SELENON: variants seen among roughly 807,000 people sequenced by gnomAD.
The protein encoded by SELENON is selenoprotein N, also known as selenoprotein N, 1.
A neutral mutation model predicts 59.5 loss-of-function variants in SELENON; 44 were observed. The ratio of observed to expected loss-of-function variants is 0.74; its 90% CI spans 0.58 to 0.95. The LOEUF (loss-of-function observed/expected upper bound fraction) is 0.95, where lower values mean the gene tolerates loss of function less well. SELENON is among the 40% of genes least tolerant of loss of function. SELENON has a pLI of 0.00. For missense variants in SELENON, 674 were observed against 721.4 expected (o/e 0.93, Z 0.75); for synonymous variants, 320 against 305.6 (o/e 1.05, Z -0.49).
intron 7 of SELENON, among the ~76,000 whole-genome samples, chr1:25,811,043 C>G (rs1311604034): frequency 6.6e-6 from 1 of 152,256 alleles, no homozygotes; most frequent in Non-Finnish European, 1.5e-5. Context: ...GCAGATTGCA[C>G]TGCTCGGCTC....
intron 3 of SELENON, among the ~76,000 whole-genome samples, chr1:25,804,727 C>T (rs1187867004): frequency 1.4e-5 from 2 of 146,420 alleles, no homozygotes; most frequent in African/African-American, 2.5e-5. Flanking sequence ...CCCTATGACA[C>T]CAAAGAGCCT....
Position 25,805,167 on chromosome 1 carries a change from G to C in SELENON, c.429G>C (p.Glu143Asp). 2.5e-6 allele frequency: 4 copies of C among 1,608,846 alleles called. No homozygotes were observed. Among genetic ancestry groups the C allele is most frequent in the Non-Finnish European group, 3.4e-6 (4 of 1,175,914 alleles). Reference sequence around the variant, plus strand: ...GGTCAACTCCCGCGGCCAGCTGCGAGGAGGAGGAGTTGCCCCCTGACCCTA... The same window carrying C: ...GGTCAACTCCCGCGGCCAGCTGCGACGAGGAGGAGTTGCCCCCTGACCCTA... The change falls in exon 4 of 13, where the codon GAG (glutamate) becomes GAC (aspartate). Residue 143 changes from glutamate (E) to aspartate (D), a missense_variant. Glu to Asp is a conservative substitution (Grantham distance 45). Coordinates refer to ENST00000361547, the MANE Select transcript of SELENON (RefSeq NM_020451.3).
chr1:25,815,238 G>A (rs2124456312), intron 12 of SELENON, among the ~76,000 whole-genome samples: 1 of 151,762 alleles, frequency 6.6e-6, no homozygotes, highest in East Asian at 1.9e-4. Context: ...GGAGTCCGGG[G>A]TCACAGGAAC....
chr1:25,806,590 G>A (rs540953723), intron 4 of SELENON, among the ~76,000 whole-genome samples: 102 of 152,258 alleles, frequency 6.7e-4, no homozygotes, highest in Middle Eastern at 3.4e-3. Context: ...GGGACTGTAG[G>A]CGGGGAGGGA....
chr1:25,815,984 C>T lies in SELENON; in HGVS notation c.*266C>T, dbSNP rs1449129971. On this transcript the variant is annotated 3_prime_UTR_variant, in exon 13 of 13. Coordinates refer to ENST00000361547, the MANE Select transcript of SELENON (RefSeq NM_020451.3). ...CCATTTGGCTCTGGAAGCTGCTTGG[C>T]CCCCCCAGATCAGGGCCTGGGTGAA... is the stretch of plus-strand genomic sequence containing the variant. 1 of 492,136 alleles carries T rather than the reference C, an allele frequency of 2.0e-6. No homozygotes were observed. The highest frequency in any genetic ancestry group is 3.7e-6 in the Non-Finnish European group (1 of 268,540). 30.5% of individuals were successfully genotyped at this position (492,136 alleles called of 1,614,324 possible).
rs755921803 is a variant in SELENON at position 25,815,676 on chromosome 1, G to A, written c.1731G>A (p.Leu577=). Reference sequence around the variant, plus strand: ...CCACGGCCACCTACATGCAGTTCCTGAAGGAGGGACTCCGGCGTGGCCTGC... The same window carrying A: ...CCACGGCCACCTACATGCAGTTCCTAAAGGAGGGACTCCGGCGTGGCCTGC... The change falls in exon 13 of 13, where the codon CTG becomes CTA. Residue 577 remains leucine (L), a synonymous_variant. Transcript: ENST00000361547. 6.2e-7 allele frequency: 1 copy of A among 1,614,174 alleles called. No homozygotes were observed.
rs2047932738 is a variant in SELENON at position 25,808,779 on chromosome 1, A to G, written c.737A>G (p.Lys246Arg). 9 of 1,613,676 alleles carry G rather than the reference A, an allele frequency of 5.6e-6. No individual in the cohort carries two copies. The highest frequency in any genetic ancestry group is 7.6e-6 in the Non-Finnish European group (9 of 1,179,890). Residue 246 changes from lysine (K) to arginine (R), a missense_variant, in exon 5 of 13, where the codon AAG becomes AGG. By Grantham distance (26) the Lys-to-Arg change is conservative. Coordinates refer to ENST00000361547, the MANE Select transcript of SELENON (RefSeq NM_020451.3). ...AACCGCTTCTATCCACCGCCGCCCA[A>G]GGGCAAGGAGGTGAGGACAGCTGGG...
chr1:25,815,235 G>C (rs539535952), intron 12 of SELENON, among the ~76,000 whole-genome samples: 2 of 152,108 alleles, frequency 1.3e-5, no homozygotes, highest in African/African-American at 4.8e-5. Flanking sequence ...ATGGGAGTCC[G>C]GGGTCACAGG....
Position 25,807,598 on chromosome 1 carries a change from C to A in SELENON, c.538-982C>A, listed in dbSNP as rs1399432774. On this transcript the variant is annotated intron_variant, in intron 4 of 12. Transcript: ENST00000361547. The surrounding 1 kb of genome is among the most constrained non-coding windows in gnomAD (Gnocchi z 4.5). Reference sequence around the variant, plus strand: ...GCCCAGCACCCATCGCTGGCAGGTCCCCTGCAGGGGGTGGCAAGCCTACAA... The same window carrying A: ...GCCCAGCACCCATCGCTGGCAGGTCACCTGCAGGGGGTGGCAAGCCTACAA... 1.3e-5 allele frequency among the ~76,000 whole-genome samples: 2 copies of A among 152,210 alleles called. No homozygotes were observed. The highest frequency in any genetic ancestry group is 2.4e-5 in the African/African-American group (1 of 41,450).
chr1:25,815,429 A>T, intron 12 of SELENON, 119 bp from the exon 12 acceptor site: 1 of 851,158 alleles, frequency 1.2e-6, no homozygotes, highest in Non-Finnish European at 1.9e-6. Flanking sequence ...CCCACCATCC[A>T]CCTCAGACAA....
intron 8 of SELENON, 42 bp downstream of exon 7, chr1:25,811,577 A>G (rs771096615): frequency 1.2e-6 from 2 of 1,606,252 alleles, no homozygotes; most frequent in East Asian, 2.2e-5. Flanking sequence ...GCTCGGCTGC[A>G]GGGCCCCGCC....
intron 10 of SELENON, chr1:25,813,609 C>T (rs564768490): frequency 2.8e-4 from 153 of 543,930 alleles, no homozygotes; most frequent in African/African-American, 2.2e-3. Context: ...CCCTGGGACA[C>T]AGAGCGTTCA....
chr1:25,809,847 T>C (rs771147457), intron 7 of SELENON, 27 bp downstream of exon 6: 1 of 1,610,982 alleles, frequency 6.2e-7, no homozygotes, highest in Non-Finnish European at 8.5e-7. Flanking sequence ...GGCCCAGCCT[T>C]GGCTCCCTCC....
intron 7 of SELENON, among the ~76,000 whole-genome samples, chr1:25,810,111 G>A (rs1389095806): frequency 1.3e-5 from 2 of 152,324 alleles, no homozygotes; most frequent in African/African-American, 4.8e-5. Context: ...TCATACTGCT[G>A]ACAGGCCCCA....
intron 3 of SELENON, among the ~76,000 whole-genome samples, chr1:25,802,863 C>T (rs2047871966): frequency 1.3e-5 from 2 of 152,274 alleles, no homozygotes; most frequent in Non-Finnish European, 2.9e-5. Flanking sequence ...CTACTTATTA[C>T]CCAGATTGCC....
Position 25,815,836 on chromosome 1 carries a change from G to A in SELENON, c.*118G>A. The A allele has an allele frequency of 1.8e-6, 2 of 1,099,710 alleles. No homozygotes were observed. Among genetic ancestry groups the A allele is most frequent in the South Asian group, 2.8e-5 (2 of 70,414 alleles). The allele number at this position is 1,099,710 out of a possible 1,614,324, so 68.1% of individuals were successfully genotyped here. A position where few individuals can be genotyped will look rare whatever the true frequency, so the allele number is the denominator to read the frequency against. ...ACCCCACTCCTAGGCTGCCTTGGAGGGTACAAGATCCACTGAGGGTGGCCA... is the reference window on the plus strand; with the variant it reads ...ACCCCACTCCTAGGCTGCCTTGGAGAGTACAAGATCCACTGAGGGTGGCCA... On this transcript the variant is annotated 3_prime_UTR_variant, in exon 13 of 13. Transcript: ENST00000361547.
intron 2 of SELENON, among the ~76,000 whole-genome samples, 200 bp downstream of exon 2, chr1:25,801,360 A>C (rs931541034): frequency 3.3e-5 from 5 of 152,160 alleles, no homozygotes; most frequent in Non-Finnish European, 7.4e-5. Context: ...CAGACTTGTG[A>C]GCAATAATAC....
intron 10 of SELENON, chr1:25,813,592 G>A: frequency 4.1e-6 from 2 of 493,752 alleles, no homozygotes; most frequent in Non-Finnish European, 7.8e-6. Flanking sequence ...AACAGCCTGT[G>A]TGAAGGCCCT....
At chr1:25,801,279 C>T in intron 2 of SELENON, 119 bp downstream of exon 2, 1 of 796,842 alleles carries the variant, frequency 1.3e-6, no homozygotes, top group South Asian at 1.4e-5. Flanking sequence ...CCCTGGACTC[C>T]TCCCAGCTCT....
Sources: gnomAD v4.1 joint callset for allele counts (sites outside exome capture counted in the v4.1 genomes callset) on GRCh38, gnomAD v4.1.1 for gene constraint, Gnocchi (gnomAD v3.1) non-coding constraint, MANE v1.5 for transcripts, NCBI Gene and HGNC (gene_info 2026-07-23, HGNC 2026-07-21) for gene names.